TSPAN9: variants seen among roughly 807,000 people sequenced by gnomAD.
TSPAN9 encodes tetraspanin 9.
TSPAN9 carries 16 observed loss-of-function variants against 31.0 expected under a neutral mutation model. The ratio of observed to expected loss-of-function variants is 0.52; its 90% CI spans 0.35 to 0.78. TSPAN9 has a LOEUF of 0.78. Among genes scored for constraint, TSPAN9 ranks in the 30% least tolerant of loss-of-function variants. The pLI, the probability that TSPAN9 is intolerant of heterozygous loss-of-function variation, is 0.01. For missense variants in TSPAN9, 272 were observed against 312.5 expected (o/e 0.87, Z 0.98); for synonymous variants, 145 against 121.6 (o/e 1.19, Z -1.27).
At position 3,281,784 on chromosome 12, in the gene TSPAN9, G is replaced by A. The variant is rs1379012604; in HGVS notation, c.615G>A (p.Leu205=). Residue 205 remains leucine (L), a synonymous_variant, in exon 8 of 9, where the codon CTG becomes CTA. Transcript: ENST00000011898. ...GGTTCGATGACAATAAGCACGTGCT[G>A]GGCACGGTGGGGATGTGCATCCTCA... ...KMWFDDNKHV[L]GTVGMCILIM... 2.5e-6 allele frequency: 4 copies of A among 1,614,076 alleles called. No individual in the cohort carries two copies. The highest frequency in any genetic ancestry group is 2.5e-6 in the Non-Finnish European group (3 of 1,180,028).
intron 1 of TSPAN9, among the ~76,000 whole-genome samples, chr12:3,081,621 T>C (rs143696202): frequency 2.5e-3 from 377 of 152,124 alleles, no homozygotes; most frequent in African/African-American, 8.9e-3. Flanking sequence ...TATACTTCCT[T>C]GGGTGGTTCT....
chr12:3,261,693 A>G (rs945576972), intron 3 of TSPAN9, among the ~76,000 whole-genome samples: 2 of 152,234 alleles, frequency 1.3e-5, no homozygotes, highest in Non-Finnish European at 2.9e-5. Flanking sequence ...TTGAGAAGCA[A>G]CGTGGGCACC....
At chr12:3,110,119 C>CT (rs1344249299) in intron 2 of TSPAN9, among the ~76,000 whole-genome samples, 4 of 117,362 alleles carry the variant, frequency 3.4e-5, no homozygotes, top group African/African-American at 1.4e-4. Context: ...CAGCACAAGA[C>CT]CGGGAGTGGG....
At chr12:3,124,197 A>G (rs1300528133) in intron 2 of TSPAN9, among the ~76,000 whole-genome samples, 1 of 152,224 alleles carries the variant, frequency 6.6e-6, no homozygotes, top group Non-Finnish European at 1.5e-5. Context: ...ATACTGAGAT[A>G]TAGTCCCATT....
intron 3 of TSPAN9, among the ~76,000 whole-genome samples, chr12:3,222,233 GA>G (rs1164745072): frequency 6.6e-6 from 1 of 152,244 alleles, no homozygotes. Context: ...GCCCTGGGAA[GA>G]GGGGGGCATG....
intron 2 of TSPAN9, among the ~76,000 whole-genome samples, chr12:3,114,077 A>C (rs2098320766): frequency 6.6e-6 from 1 of 152,160 alleles, no homozygotes; most frequent in Non-Finnish European, 1.5e-5. Flanking sequence ...TGCATCTCTG[A>C]CATCTAGCTC....
At chr12:3,268,706 G>C (rs78198836) in intron 3 of TSPAN9, among the ~76,000 whole-genome samples, 17,069 of 46,614 alleles carry the variant, frequency 0.37, 2,003 homozygotes, top group East Asian at 0.45. Flanking sequence ...CCTGCCCTCC[G>C]TGCGTTCCTG....
intron 3 of TSPAN9, among the ~76,000 whole-genome samples, chr12:3,214,496 G>A (rs1054597406): frequency 3.9e-5 from 6 of 152,196 alleles, no homozygotes; most frequent in Admixed American, 6.5e-5. Context: ...CAGGGTGGAC[G>A]AACTCCTGTT....
chr12:3,099,840 CTTTTTTTTT>C (rs899603509), intron 2 of TSPAN9, among the ~76,000 whole-genome samples: 2 of 123,676 alleles, frequency 1.6e-5, no homozygotes, highest in Admixed American at 1.7e-4. Context: ...TCTGTCCACT[CTTTTTTTTT>C]TTTTTTTTTT....
intron 2 of TSPAN9, among the ~76,000 whole-genome samples, chr12:3,184,733 C>T (rs1394437527): frequency 2.0e-5 from 3 of 152,100 alleles, no homozygotes; most frequent in South Asian, 2.1e-4. Context: ...TGACGTTCTG[C>T]GGCATGAGGT....
At chr12:3,213,275 C>T (rs868336075) in intron 3 of TSPAN9, among the ~76,000 whole-genome samples, 7 of 152,316 alleles carry the variant, frequency 4.6e-5, no homozygotes, top group Middle Eastern at 3.4e-3. Context: ...GATCCTGTGC[C>T]TTCTGTTCTC....
intron 2 of TSPAN9, 111 bp downstream of exon 2, chr12:3,083,830 A>C (rs1181670546): frequency 6.6e-6 from 1 of 152,276 alleles, no homozygotes; most frequent in Non-Finnish European, 1.5e-5. Context: ...GTTGGGCAGG[A>C]TAGAAGAGGA....
chr12:3,223,865 A>G (rs893547692), intron 3 of TSPAN9, among the ~76,000 whole-genome samples: 2 of 152,180 alleles, frequency 1.3e-5, no homozygotes, highest in Admixed American at 6.5e-5. Flanking sequence ...CTCTGTCTGC[A>G]TGCTGGAGTC....
chr12:3,275,309 GC>G (rs1862761738), intron 3 of TSPAN9, among the ~76,000 whole-genome samples: 1 of 152,152 alleles, frequency 6.6e-6, no homozygotes, highest in Non-Finnish European at 1.5e-5. Context: ...ACTTTTCCAG[GC>G]CCGAGAAGGG....
At chr12:3,233,094 C>T (rs2098391640) in intron 3 of TSPAN9, among the ~76,000 whole-genome samples, 1 of 152,166 alleles carries the variant, frequency 6.6e-6, no homozygotes. Flanking sequence ...GGACAGAGAA[C>T]TTGAGACTTT....
chr12:3,189,124 G>C (rs572160966), intron 2 of TSPAN9, among the ~76,000 whole-genome samples: 1 of 152,334 alleles, frequency 6.6e-6, no homozygotes, highest in African/African-American at 2.4e-5. Flanking sequence ...ACTAGAACAA[G>C]AAGAGTGCCT....
chr12:3,082,640 AG>A (rs1162523717), intron 1 of TSPAN9, among the ~76,000 whole-genome samples: 1 of 152,040 alleles, frequency 6.6e-6, no homozygotes, highest in Non-Finnish European at 1.5e-5. Context: ...GGCACTTGTG[AG>A]GGATGGTGAG....
intron 3 of TSPAN9, among the ~76,000 whole-genome samples, chr12:3,208,775 G>A (rs11062565): frequency 0.044 from 6,701 of 152,322 alleles, 170 homozygotes; most frequent in South Asian, 0.082. Context: ...GACTTTCTAT[G>A]CCCATGAGCC....
intron 3 of TSPAN9, among the ~76,000 whole-genome samples, chr12:3,249,062 T>A (rs1255060619): frequency 2.0e-5 from 3 of 152,238 alleles, no homozygotes; most frequent in Non-Finnish European, 4.4e-5. Context: ...GATCTCCCTG[T>A]CCCTAGTTCC....
Sources: gnomAD v4.1 joint callset for allele counts (sites outside exome capture counted in the v4.1 genomes callset) on GRCh38, gnomAD v4.1.1 for gene constraint, MANE v1.5 for transcripts, NCBI Gene and HGNC (gene_info 2026-07-23, HGNC 2026-07-21) for gene names.